The following OPRM1 variants were observed in gnomAD, a reference collection of about 807,000 sequenced individuals.
The protein encoded by OPRM1 is opioid receptor mu 1.
A neutral mutation model predicts 31.8 loss-of-function variants in OPRM1; 27 were observed. That is an observed-to-expected ratio of 0.85 (90% CI 0.63 to 1.17). The LOEUF (loss-of-function observed/expected upper bound fraction) is 1.17. Ranked by LOEUF, OPRM1 falls within the 50% of genes most tolerant of loss-of-function variation. The probability of loss-of-function intolerance (pLI) is 0.00; values close to 1 mark genes in which losing one functional copy is unlikely to be tolerated. For missense variants in OPRM1, 536 were observed against 511.1 expected (o/e 1.05, Z -0.47); for synonymous variants, 196 against 189.9 (o/e 1.03, Z -0.26).
At chr6:154,240,891 A>T (rs1180173313) in intron 3 of OPRM1, among the ~76,000 whole-genome samples, 3 of 152,216 alleles carry the variant, frequency 2.0e-5, no homozygotes, top group Non-Finnish European at 2.9e-5. Context: ...TAATATATAC[A>T]AAACCAGATA....
chr6:154,123,623 A>G lies in OPRM1; in HGVS notation c.*4902A>G, dbSNP rs1252823585. ...CTATTTTTGTGGTTATTTCTTGATT[A>G]TATGCTAAACAAGGGGTGGATTATT... On this transcript the variant is annotated 3_prime_UTR_variant, in exon 4 of 4. Transcript: ENST00000330432. Among the ~76,000 whole-genome samples, 4 of 152,226 alleles carry G rather than the reference A, an allele frequency of 2.6e-5. No homozygotes were observed. Among genetic ancestry groups the G allele is most frequent in the African/African-American group, 9.6e-5 (4 of 41,464 alleles).
intron 3 of OPRM1, among the ~76,000 whole-genome samples, chr6:154,109,753 C>A (rs929234882): frequency 1.3e-5 from 2 of 148,488 alleles, no homozygotes; most frequent in Admixed American, 1.3e-4. Flanking sequence ...CTGTGAAAAG[C>A]CCTACTCTCT....
intron 3 of OPRM1, among the ~76,000 whole-genome samples, chr6:154,238,079 T>C (rs917450113): frequency 5.9e-5 from 9 of 152,214 alleles, no homozygotes; most frequent in East Asian, 1.9e-4. Context: ...AGAAATGATG[T>C]TGTGGATATA....
intron 3 of OPRM1, among the ~76,000 whole-genome samples, chr6:154,198,932 T>C (rs1308265175): frequency 6.6e-6 from 1 of 152,130 alleles, no homozygotes; most frequent in Non-Finnish European, 1.5e-5. Context: ...GGTAAGCGTG[T>C]TTTACAGCAG....
At chr6:154,075,881 T>C (rs1003189627) in intron 1 of OPRM1, among the ~76,000 whole-genome samples, 3 of 152,170 alleles carry the variant, frequency 2.0e-5, no homozygotes, top group African/African-American at 7.2e-5. Flanking sequence ...AGGGAGCTGA[T>C]CTCTCTGAGC....
chr6:154,059,193 G>A (rs531846920), intron 1 of OPRM1, among the ~76,000 whole-genome samples: 2 of 152,224 alleles, frequency 1.3e-5, no homozygotes, highest in Admixed American at 6.5e-5. Context: ...CTGTCTCCTT[G>A]CAAGTCAAAC....
intron 3 of OPRM1, among the ~76,000 whole-genome samples, chr6:154,241,443 C>A (rs1031577118): frequency 6.6e-6 from 1 of 151,952 alleles, no homozygotes; most frequent in Non-Finnish European, 1.5e-5. Flanking sequence ...AAAAAGTAAG[C>A]GACGGTGAAT....
At chr6:154,055,486 G>A (rs1465424344) in intron 1 of OPRM1, among the ~76,000 whole-genome samples, 5 of 151,826 alleles carry the variant, frequency 3.3e-5, no homozygotes, top group Non-Finnish European at 7.4e-5. Flanking sequence ...CCATCAGTAT[G>A]CAACCTACCA....
chr6:154,172,860 G>C (rs1272040449), intron 3 of OPRM1, among the ~76,000 whole-genome samples: 1 of 152,250 alleles, frequency 6.6e-6, no homozygotes, highest in African/African-American at 2.4e-5. Flanking sequence ...ACTTCCTCAA[G>C]TGGGTCCCTG....
At chr6:154,220,552 G>T (rs1292759338) in intron 3 of OPRM1, among the ~76,000 whole-genome samples, 1 of 152,178 alleles carries the variant, frequency 6.6e-6, no homozygotes, top group East Asian at 1.9e-4. Flanking sequence ...TGATGCAGGA[G>T]AATCATTCGA....
rs1797937663 is a variant in OPRM1 at position 154,132,241 on chromosome 6, G to A, written c.*13520G>A. On this transcript the variant is annotated 3_prime_UTR_variant, in exon 4 of 4. Transcript: ENST00000330432. ...TATAAAAAATATAAATTTTTGCATT[G>A]TATTGTTCTTGATGTACCAGCATAC... is the stretch of plus-strand genomic sequence containing the variant. Among the ~76,000 whole-genome samples, 1 of 152,070 alleles carries A rather than the reference G, an allele frequency of 6.6e-6. No homozygotes were observed.
At chr6:154,214,318 G>C (rs1441555301) in intron 3 of OPRM1, 2 of 1,347,794 alleles carry the variant, frequency 1.5e-6, no homozygotes, top group African/African-American at 1.4e-5. Context: ...AAAGAGATTA[G>C]CCCCCCACCC....
At chr6:154,091,960 A>C (rs1188094609) in intron 3 of OPRM1, 1 of 985,608 alleles carries the variant, frequency 1.0e-6, no homozygotes, top group Non-Finnish European at 1.2e-6. Flanking sequence ...AGCATCATGG[A>C]AAAGGAGAAA....
At chr6:154,231,667 A>G (rs961175914) in intron 3 of OPRM1, among the ~76,000 whole-genome samples, 1 of 152,228 alleles carries the variant, frequency 6.6e-6, no homozygotes, top group Non-Finnish European at 1.5e-5. Flanking sequence ...ATTTGACTCA[A>G]TATACACACT....
At chr6:154,038,326 GAAA>G (rs199771957), upstream of OPRM1, among the ~76,000 whole-genome samples, 4 of 149,460 alleles carry the variant, frequency 2.7e-5, no homozygotes, top group African/African-American at 7.4e-5. Context: ...GTTAACTTTA[GAAA>G]AAAAAAGACC....
intron 3 of OPRM1, among the ~76,000 whole-genome samples, chr6:154,202,215 A>G (rs573032705): frequency 2.0e-5 from 3 of 152,318 alleles, no homozygotes; most frequent in Admixed American, 6.5e-5. Flanking sequence ...AACTAATCAC[A>G]TATCTTCTCA....
chr6:154,095,137 C>T (rs1039180588), intron 3 of OPRM1, among the ~76,000 whole-genome samples: 1 of 151,996 alleles, frequency 6.6e-6, no homozygotes, highest in Non-Finnish European at 1.5e-5. Flanking sequence ...ACTAAAAATA[C>T]AAAATTAGCC....
At chr6:154,198,708 C>T (rs1776831215) in intron 3 of OPRM1, among the ~76,000 whole-genome samples, 1 of 151,014 alleles carries the variant, frequency 6.6e-6, no homozygotes, top group South Asian at 2.1e-4. Flanking sequence ...ACGCTGATAC[C>T]AAAAATTAAA....
At chr6:154,113,092 A>T (rs1032343028) in intron 3 of OPRM1, among the ~76,000 whole-genome samples, 2 of 152,338 alleles carry the variant, frequency 1.3e-5, no homozygotes, top group South Asian at 2.1e-4. Flanking sequence ...ATTCTCCTCC[A>T]TTCAGCCAGA....
Sources: allele counts gnomAD v4.1 joint callset (sites outside exome capture counted in the v4.1 genomes callset), GRCh38; gene constraint gnomAD v4.1.1; transcripts MANE v1.5; gene names NCBI Gene and HGNC (gene_info 2026-07-23, HGNC 2026-07-21).